The following MINDY4 variants were observed in gnomAD, a reference collection of about 807,000 sequenced individuals.
MINDY4 encodes the protein MINDY lysine 48 deubiquitinase 4, also known as probable ubiquitin carboxyl-terminal hydrolase MINDY-4.
A neutral mutation model predicts 87.0 loss-of-function variants in MINDY4; 68 were observed. That is an observed-to-expected ratio of 0.78 (90% confidence interval 0.64 to 0.96). The LOEUF (loss-of-function observed/expected upper bound fraction) is 0.96, where lower values mean the gene tolerates loss of function less well. Among genes scored for constraint, MINDY4 ranks in the 40% least tolerant of loss-of-function variants. The probability of loss-of-function intolerance (pLI) is 0.00; values close to 1 mark genes in which losing one functional copy is unlikely to be tolerated. For missense variants in MINDY4, 919 were observed against 928.2 expected, an observed-to-expected ratio of 0.99 and a Z score of 0.13; for synonymous variants, 379 against 363.2, an observed-to-expected ratio of 1.04 and a Z score of -0.50.
intron 2 of MINDY4, chr7:30,780,824 G>C (rs1289472903): frequency 6.6e-6 from 1 of 152,218 alleles, no homozygotes; most frequent in Admixed American, 6.5e-5. Flanking sequence ...CTCTCTTACT[G>C]AGAGAAAAAG....
chr7:30,865,222 C>T (rs1402094838), intron 13 of MINDY4, among the ~76,000 whole-genome samples: 1 of 152,224 alleles, frequency 6.6e-6, no homozygotes, highest in African/African-American at 2.4e-5. Flanking sequence ...ACATGTGAGG[C>T]AGGGTGGGTT....
intron 2 of MINDY4, among the ~76,000 whole-genome samples, chr7:30,779,091 G>A (rs1471676938): frequency 6.6e-6 from 1 of 152,164 alleles, no homozygotes; most frequent in Non-Finnish European, 1.5e-5. Flanking sequence ...GGGCTTCTCT[G>A]ATCCCCCAGA....
intron 13 of MINDY4, among the ~76,000 whole-genome samples, chr7:30,862,643 G>C (rs899047750): frequency 1.3e-5 from 2 of 152,196 alleles, no homozygotes; most frequent in Admixed American, 6.5e-5. Flanking sequence ...TGGACACTTG[G>C]GTGCAAATGT....
rs1408306894 is a variant in MINDY4 at position 30,812,854 on chromosome 7, C to T, written c.1074-15825C>T. 2.0e-5 allele frequency among the ~76,000 whole-genome samples: 3 copies of T among 152,178 alleles called. No individual in the cohort carries two copies. The East Asian group carries it at 5.8e-4, about 29-fold the overall frequency. ...AACTTCTGGACCTTTGATTCCACCC[C>T]CATCGTGAGGCTCAACATGACATTT... is the stretch of plus-strand genomic sequence containing the variant. On this transcript the variant is annotated intron_variant, in intron 5 of 17. Coordinates refer to ENST00000265299, the MANE Select transcript of MINDY4 (RefSeq NM_032222.3).
chr7:30,811,386 C>A (rs1445793508), intron 5 of MINDY4, among the ~76,000 whole-genome samples: 1 of 152,202 alleles, frequency 6.6e-6, no homozygotes, highest in African/African-American at 2.4e-5. Context: ...TTCATCGCTA[C>A]CTTCATTCAC....
chr7:30,807,749 G>T (rs1020945864), intron 5 of MINDY4, among the ~76,000 whole-genome samples: 1 of 152,288 alleles, frequency 6.6e-6, no homozygotes, highest in East Asian at 1.9e-4. Context: ...GTCCTGTTCT[G>T]TTCTGTTCTG....
chr7:30,797,383 G>A (rs190697015), intron 5 of MINDY4, among the ~76,000 whole-genome samples: 2 of 152,308 alleles, frequency 1.3e-5, no homozygotes, highest in East Asian at 3.9e-4. Flanking sequence ...GGAGCCCTGG[G>A]GACAGAGCTG....
In MINDY4 at chr7:30,824,837, G is replaced by A. The variant is rs369629656; in HGVS notation, c.1074-3842G>A. ...CACCTCCCAGAATGCTGGGACTATA[G>A]GCATGAGCCACCACACCTTGCTTCT... On this transcript the variant is annotated intron_variant, in intron 5 of 17. Transcript: ENST00000265299. Among the ~76,000 whole-genome samples, 44 of 152,314 alleles carry A rather than the reference G, an allele frequency of 2.9e-4. 1 individual carries two copies. The highest frequency in any genetic ancestry group is 9.9e-4 in the African/African-American group (41 of 41,564).
intron 1 of MINDY4, among the ~76,000 whole-genome samples, chr7:30,774,424 T>C (rs1786744993): frequency 6.6e-6 from 1 of 152,144 alleles, no homozygotes; most frequent in Non-Finnish European, 1.5e-5. Flanking sequence ...ATTTCCCTCC[T>C]CTACTAGGTT....
intron 13 of MINDY4, among the ~76,000 whole-genome samples, chr7:30,871,114 T>C (rs1283998007): frequency 6.7e-6 from 1 of 149,858 alleles, no homozygotes; most frequent in Non-Finnish European, 1.5e-5. Context: ...CCCAGGGTCG[T>C]GTGTGCCCCC....
At chr7:30,805,721 G>C (rs549521354) in intron 5 of MINDY4, among the ~76,000 whole-genome samples, 1 of 152,146 alleles carries the variant, frequency 6.6e-6, no homozygotes, top group African/African-American at 2.4e-5. Flanking sequence ...GTCAACTGTC[G>C]TGTATTGAGG....
intron 17 of MINDY4, among the ~76,000 whole-genome samples, chr7:30,891,514 A>G (rs952443883): frequency 9.9e-5 from 15 of 152,204 alleles, no homozygotes; most frequent in Admixed American, 3.3e-4. Flanking sequence ...AGTTCCTGCC[A>G]GCTTCCCGGC....
At chr7:30,787,411 G>T (rs1005456948) in intron 4 of MINDY4, among the ~76,000 whole-genome samples, 1 of 152,238 alleles carries the variant, frequency 6.6e-6, no homozygotes, top group African/African-American at 2.4e-5. Context: ...AATCTTGTGG[G>T]AGGTTGGCAG....
intron 9 of MINDY4, among the ~76,000 whole-genome samples, chr7:30,842,667 C>T (rs530419219): frequency 6.6e-6 from 1 of 152,288 alleles, no homozygotes; most frequent in African/African-American, 2.4e-5. Flanking sequence ...GGGACATGCA[C>T]GGTGCTAAGG....
chr7:30,816,941 G>A (rs1788168360), intron 5 of MINDY4, among the ~76,000 whole-genome samples: 1 of 152,168 alleles, frequency 6.6e-6, no homozygotes, highest in Non-Finnish European at 1.5e-5. Flanking sequence ...CAACTGCAGG[G>A]TATAAACTTA....
Position 30,828,696 on chromosome 7 carries a change from C to T in MINDY4, c.1091C>T (p.Pro364Leu), listed in dbSNP as rs759611015. The T allele has an allele frequency of 1.2e-5, 19 of 1,613,710 alleles. No homozygotes were observed. Among genetic ancestry groups the T allele is most frequent in the South Asian group, 4.4e-5 (4 of 91,062 alleles). ...TTTTCCAGGAAAAATCAGTTGCTGC[C>T]GTCTGACAAGGTGGATGGTGAGCTG... ...PAPVRKNQLL[P>L]SDKVDGELGA... is the part of the protein sequence containing the mutation. The change falls in exon 6 of 18, where the codon CCG becomes CTG. Residue 364 changes from proline to leucine, a missense_variant. Coordinates refer to ENST00000265299, the MANE Select transcript of MINDY4 (RefSeq NM_032222.3).
At chr7:30,835,470 C>T (rs1414416855) in intron 6 of MINDY4, among the ~76,000 whole-genome samples, 1 of 152,198 alleles carries the variant, frequency 6.6e-6, no homozygotes, top group African/African-American at 2.4e-5. Context: ...AGAGCCAAAC[C>T]ATATCAGAAG....
At chr7:30,839,003 C>A (rs1788952992) in intron 7 of MINDY4, among the ~76,000 whole-genome samples, 197 bp from the exon 8 acceptor site, 1 of 152,238 alleles carries the variant, frequency 6.6e-6, no homozygotes, top group South Asian at 2.1e-4. Flanking sequence ...AGAGGTAAGA[C>A]CCTCATTATT....
intron 3 of MINDY4, 116 bp from the exon 4 acceptor site, chr7:30,785,633 C>A: frequency 8.0e-7 from 1 of 1,255,150 alleles, no homozygotes; most frequent in Non-Finnish European, 1.1e-6. Context: ...GGTTAGAAGT[C>A]ATCATAGATT....
Sources: allele counts gnomAD v4.1 joint callset (sites outside exome capture counted in the v4.1 genomes callset), GRCh38; gene constraint gnomAD v4.1.1; transcripts MANE v1.5; gene names NCBI Gene and HGNC (gene_info 2026-07-23, HGNC 2026-07-21).